The following PATJ variants were observed in gnomAD, a reference collection of about 807,000 sequenced individuals.
PATJ encodes the protein PATJ crumbs cell polarity complex component.
A neutral mutation model predicts 224.9 loss-of-function variants in PATJ; 190 were observed. The ratio of observed to expected loss-of-function variants is 0.84; its 90% CI spans 0.75 to 0.95. PATJ has a LOEUF of 0.95. PATJ is among the 40% of genes least tolerant of loss of function. PATJ has a pLI of 0.00. For missense variants in PATJ, 2,121 were observed against 2,270.3 expected, an observed-to-expected ratio of 0.93 and a Z score of 1.34; for synonymous variants, 769 against 820.3, an observed-to-expected ratio of 0.94 and a Z score of 1.07.
intron 43 of PATJ, among the ~76,000 whole-genome samples, chr1:62,157,831 CAA>C (rs1160300843): frequency 5.7e-4 from 34 of 59,766 alleles, no homozygotes; most frequent in African/African-American, 1.5e-3. Context: ...ACTCTGTCTC[CAA>C]AAAAAAAAAA....
intron 27 of PATJ, among the ~76,000 whole-genome samples, chr1:61,978,670 A>C (rs778918689): frequency 6.6e-6 from 1 of 152,110 alleles, no homozygotes; most frequent in Non-Finnish European, 1.5e-5. Context: ...CATAAGAAAA[A>C]TTAGATTGAG....
intron 27 of PATJ, among the ~76,000 whole-genome samples, chr1:61,959,428 T>A (rs796243017): frequency 0.51 from 55,000 of 108,444 alleles, 12,146 homozygotes; most frequent in East Asian, 0.78. Context: ...ATAATATATT[T>A]TTTTTCTTTT....
At chr1:61,937,232 GTTTC>G (rs112608365) in intron 27 of PATJ, among the ~76,000 whole-genome samples, 15,744 of 151,988 alleles carry the variant, frequency 0.1, 1,098 homozygotes, top group Middle Eastern at 0.19. Flanking sequence ...AATCCCCATA[GTTTC>G]TTTCTTTTTT....
At chr1:61,800,806 AC>A (rs760470613) in intron 11 of PATJ, among the ~76,000 whole-genome samples, 1 of 151,762 alleles carries the variant, frequency 6.6e-6, no homozygotes, top group Non-Finnish European at 1.5e-5. Context: ...TTCAATTCTC[AC>A]CTATGAGTGA....
chr1:62,103,764 A>G (rs1462721047), intron 33 of PATJ, among the ~76,000 whole-genome samples: 1 of 152,114 alleles, frequency 6.6e-6, no homozygotes, highest in African/African-American at 2.4e-5. Flanking sequence ...AACCCAAAAA[A>G]AAAAAAAAAG....
At chr1:62,062,490 CTTTTTTTTTTTT>C (rs139480388) in intron 31 of PATJ, among the ~76,000 whole-genome samples, 1 of 35,770 alleles carries the variant, frequency 2.8e-5, no homozygotes, top group Admixed American at 4.4e-4. Context: ...CCACAGCAAC[CTTTTTTTTTTTT>C]TTTTTTTTTT....
At chr1:62,036,147 G>T (rs910094716) in intron 29 of PATJ, among the ~76,000 whole-genome samples, 1 of 152,088 alleles carries the variant, frequency 6.6e-6, no homozygotes, top group Non-Finnish European at 1.5e-5. Context: ...CATAAGAAGG[G>T]GTTAGAAATA....
At chr1:61,748,309 C>T (rs1440271653) in intron 1 of PATJ, among the ~76,000 whole-genome samples, 6 of 115,640 alleles carry the variant, frequency 5.2e-5, no homozygotes, top group African/African-American at 2.0e-4. Flanking sequence ...TGCTGGAGTG[C>T]AGTGGCTTGA....
intron 11 of PATJ, among the ~76,000 whole-genome samples, chr1:61,799,256 G>A (rs984633306): frequency 3.9e-5 from 6 of 152,052 alleles, no homozygotes; most frequent in Admixed American, 6.6e-5. Flanking sequence ...GCAATGGCGC[G>A]ATCTTGGCTC....
In PATJ at chr1:61,763,140, A is replaced by G. The variant is rs374441342; in HGVS notation, c.150A>G (p.Ile50Met). 5.3e-5 allele frequency: 85 copies of G among 1,605,758 alleles called. No individual in the cohort carries two copies. Among genetic ancestry groups the G allele is most frequent in the Middle Eastern group, 1.7e-4 (1 of 5,882 alleles). The change falls in exon 3 of 44, where the codon ATA becomes ATG. Residue 50 changes from isoleucine (I) to methionine (M), a missense_variant. Coordinates refer to ENST00000642238, the MANE Select transcript of PATJ (RefSeq NM_001350145.3). ...ETLKSPLFNQ[I>M]LTLQQSIKQL... ...TAAAGAGTCCTCTCTTCAACCAGAT[A>G]CTCACACTTCAGCAGTCCATCAAGC... is the stretch of plus-strand genomic sequence containing the variant.
chr1:62,137,577 A>C (rs1263196967), intron 41 of PATJ, among the ~76,000 whole-genome samples: 10 of 109,564 alleles, frequency 9.1e-5, no homozygotes, highest in Non-Finnish European at 1.1e-4. Context: ...GGGGGGACAG[A>C]GGCCTGAGGG....
chr1:61,875,793 A>C (rs1352540300), intron 21 of PATJ, among the ~76,000 whole-genome samples: 1 of 152,194 alleles, frequency 6.6e-6, no homozygotes, highest in Admixed American at 6.5e-5. Flanking sequence ...TTATAGCCAT[A>C]TATTACAGTC....
rs1353162517 is a variant in PATJ, at chr1:61,998,025, A to ATTAATT, written c.3867+7661_3867+7662insTTAATT. Among the ~76,000 whole-genome samples, 25 of 122,088 alleles carry ATTAATT rather than the reference A, an allele frequency of 2.0e-4. 1 individual carries two copies. The highest frequency in any genetic ancestry group is 7.2e-4 in the African/African-American group (23 of 31,884). The allele number at this position is 122,088 out of a possible 152,430, so 80.1% of individuals were successfully genotyped here. ...TATATTATATATATTAATTATATAT[A>ATTAATT]ATATATTATATATTTATTATATATA... On this transcript the variant is annotated intron_variant, in intron 28 of 43. Transcript: ENST00000642238.
chr1:62,111,045 A>C (rs2148880151), intron 34 of PATJ, among the ~76,000 whole-genome samples: 1 of 152,354 alleles, frequency 6.6e-6, no homozygotes, highest in African/African-American at 2.4e-5. Context: ...GCAAATGGAA[A>C]CCATGAACTT....
intron 1 of PATJ, among the ~76,000 whole-genome samples, chr1:61,744,075 G>C (rs531707858): frequency 2.0e-5 from 3 of 152,198 alleles, no homozygotes; most frequent in African/African-American, 7.2e-5. Flanking sequence ...CAGCTACTTA[G>C]GAGGCTTAGG....
rs1553155776 is a variant in PATJ, at chr1:61,771,549, C to G, written c.643C>G (p.Leu215Val). ...LLQQTTGSLR[L>V]IVAREPVHTK... is the part of the protein sequence containing the mutation. Reference sequence around the variant, plus strand: ...ACAACAAACCACTGGATCTTTGAGACTGATTGTGGCCAGGGAACCAGTCCA... The same window carrying G: ...ACAACAAACCACTGGATCTTTGAGAGTGATTGTGGCCAGGGAACCAGTCCA... The change falls in exon 6 of 44, where the codon CTG becomes GTG. Residue 215 changes from leucine to valine, a missense_variant. By Grantham distance (32) the Leu-to-Val change is conservative (BLOSUM62 1). Coordinates refer to ENST00000642238, the MANE Select transcript of PATJ (RefSeq NM_001350145.3). 1.9e-6 allele frequency: 3 copies of G among 1,613,444 alleles called. No individual in the cohort carries two copies. In the South Asian group the frequency reaches 3.3e-5, roughly 18 times the overall value.
intron 41 of PATJ, among the ~76,000 whole-genome samples, chr1:62,133,637 G>A (rs1666496508): frequency 6.6e-6 from 1 of 152,040 alleles, no homozygotes; most frequent in Admixed American, 6.6e-5. Context: ...CAGCTAAACA[G>A]ATTTGAGTAG....
intron 43 of PATJ, among the ~76,000 whole-genome samples, chr1:62,156,778 T>C (rs946101537): frequency 2.0e-5 from 3 of 150,950 alleles, no homozygotes; most frequent in Non-Finnish European, 4.4e-5. Context: ...TAGCTGGTCA[T>C]GGTGGCACAC....
At chr1:62,075,975 A>C (rs555602274) in intron 31 of PATJ, among the ~76,000 whole-genome samples, 27 of 152,120 alleles carry the variant, frequency 1.8e-4, no homozygotes, top group Admixed American at 3.3e-4. Context: ...TACAACTACA[A>C]GGGTGTTTTA....
Sources: allele counts gnomAD v4.1 joint callset (sites outside exome capture counted in the v4.1 genomes callset), GRCh38; gene constraint gnomAD v4.1.1; transcripts MANE v1.5; gene names NCBI Gene and HGNC (gene_info 2026-07-23, HGNC 2026-07-21).